ROBO2: variants seen among roughly 807,000 people sequenced by gnomAD.
The protein encoded by ROBO2 is roundabout guidance receptor 2.
A neutral mutation model predicts 160.8 loss-of-function variants in ROBO2; 53 were observed. That is an observed-to-expected ratio of 0.33 (90% CI 0.26 to 0.41). The LOEUF (loss-of-function observed/expected upper bound fraction) is 0.41, where lower values mean the gene tolerates loss of function less well. Among genes scored for constraint, ROBO2 ranks in the 10% least tolerant of loss-of-function variants. The pLI, the probability that ROBO2 is intolerant of heterozygous loss-of-function variation, is 1.00. For synonymous variants in ROBO2, 664 were observed against 611.7 expected (o/e 1.09, Z -1.26); for missense variants, 1,577 against 1,722.4 (o/e 0.92, Z 1.49).
chr3:76,360,229 T>C (rs1047725317), intron 2 of ROBO2, among the ~76,000 whole-genome samples: 1 of 152,006 alleles, frequency 6.6e-6, no homozygotes, highest in African/African-American at 2.4e-5. Context: ...TTAGATCTCT[T>C]TTCGGTTTTC....
intron 2 of ROBO2, among the ~76,000 whole-genome samples, chr3:76,137,912 G>A (rs1348744384): frequency 6.6e-6 from 1 of 151,846 alleles, no homozygotes; most frequent in East Asian, 1.9e-4. Context: ...ACCTATTTGG[G>A]AAATCCAGGA....
At chr3:76,388,797 C>T (rs1402196586) in intron 2 of ROBO2, among the ~76,000 whole-genome samples, 1 of 151,960 alleles carries the variant, frequency 6.6e-6, no homozygotes, top group Non-Finnish European at 1.5e-5. Flanking sequence ...TCCATCTATC[C>T]ATTTATCTAT....
At chr3:77,122,886 G>A (rs960956122) in intron 2 of ROBO2, among the ~76,000 whole-genome samples, 2 of 152,118 alleles carry the variant, frequency 1.3e-5, no homozygotes, top group African/African-American at 2.4e-5. Context: ...AATGGTGTTT[G>A]AGTCAACGTG....
exon 26 of ROBO2, chr3:77,648,117 A>G (rs2095424992): frequency 6.6e-6 from 1 of 152,214 alleles, no homozygotes; most frequent in Non-Finnish European, 1.5e-5. Flanking sequence ...TGGGACAAAG[A>G]GACTGAGGAA....
chr3:76,824,055 G>T (rs987049583), intron 2 of ROBO2, among the ~76,000 whole-genome samples: 2 of 152,128 alleles, frequency 1.3e-5, no homozygotes, highest in Admixed American at 6.6e-5. Context: ...CTTTCATGTT[G>T]TGCCACCACC....
intron 1 of ROBO2, among the ~76,000 whole-genome samples, chr3:77,072,128 T>C (rs1003526590): frequency 6.6e-6 from 1 of 152,044 alleles, no homozygotes; most frequent in Non-Finnish European, 1.5e-5. Context: ...GAGAACCCTG[T>C]TTGTGAACTG....
intron 2 of ROBO2, among the ~76,000 whole-genome samples, chr3:76,270,805 T>G (rs1403379548): frequency 6.6e-6 from 1 of 152,074 alleles, no homozygotes; most frequent in East Asian, 1.9e-4. Context: ...GAATACTAAA[T>G]GTAGAGTATA....
At chr3:77,245,002 A>G (rs2089555908) in intron 2 of ROBO2, among the ~76,000 whole-genome samples, 1 of 151,406 alleles carries the variant, frequency 6.6e-6, no homozygotes. Flanking sequence ...TTTTATTCAG[A>G]TTTTGCTCAC....
At chr3:77,162,746 C>A (rs2078607404) in intron 2 of ROBO2, among the ~76,000 whole-genome samples, 2 of 152,176 alleles carry the variant, frequency 1.3e-5, no homozygotes, top group Admixed American at 6.5e-5. Flanking sequence ...AGCATTGAGG[C>A]CTGCGTTAGG....
intron 2 of ROBO2, among the ~76,000 whole-genome samples, chr3:77,002,658 A>G (rs1360793968): frequency 6.6e-6 from 1 of 152,104 alleles, no homozygotes; most frequent in Admixed American, 6.6e-5. Flanking sequence ...TTGTCTAAAC[A>G]CTGGCAAATA....
intron 7 of ROBO2, among the ~76,000 whole-genome samples, chr3:77,548,944 A>G (rs965426309): frequency 2.6e-5 from 4 of 152,026 alleles, no homozygotes; most frequent in Non-Finnish European, 5.9e-5. Flanking sequence ...TATTTCCAGT[A>G]TCCAGTTTTT....
intron 1 of ROBO2, among the ~76,000 whole-genome samples, chr3:75,917,437 T>C (rs1946857987): frequency 6.6e-6 from 1 of 152,212 alleles, no homozygotes; most frequent in Non-Finnish European, 1.5e-5. Context: ...CGGTCTATCA[T>C]TGATGGGCAT....
At chr3:76,886,355 A>G (rs986512663) in intron 2 of ROBO2, among the ~76,000 whole-genome samples, 6 of 151,936 alleles carry the variant, frequency 3.9e-5, no homozygotes, top group Non-Finnish European at 8.8e-5. Flanking sequence ...GTTTCTATGG[A>G]GATTTAAGGA....
At position 76,147,473 on chromosome 3, in the gene ROBO2, C is replaced by A. The variant is rs148282192; in HGVS notation, c.109+209871C>A. Among the ~76,000 whole-genome samples, 72 of 151,806 alleles carry A rather than the reference C, an allele frequency of 4.7e-4. No homozygotes were observed. In the East Asian group the frequency reaches 7.8e-3, roughly 16 times the overall value. On this transcript the variant is annotated intron_variant, in intron 2 of 26. Transcript: ENST00000487694. ...CTTTATTTATAAAGTGTAACTATGT[C>A]TTTATTTATCTTCATATAATTAGCA... is the stretch of plus-strand genomic sequence containing the variant.
chr3:75,933,196 A>G (rs994530440), intron 1 of ROBO2, among the ~76,000 whole-genome samples: 1 of 152,206 alleles, frequency 6.6e-6, no homozygotes, highest in Non-Finnish European at 1.5e-5. Context: ...TTCCATTGAA[A>G]AAAATCAATG....
At chr3:76,934,958 A>ATTTTTTTTTT (rs151316771) in intron 2 of ROBO2, among the ~76,000 whole-genome samples, 3,210 of 146,582 alleles carry the variant, frequency 0.022, 91 homozygotes, top group Non-Finnish European at 0.032. Context: ...AGGCTTCACA[A>ATTTTTTTTTT]ATTTTTTTTT....
intron 2 of ROBO2, among the ~76,000 whole-genome samples, chr3:76,339,240 A>T (rs920492197): frequency 7.2e-5 from 11 of 152,168 alleles, no homozygotes; most frequent in African/African-American, 2.7e-4. Flanking sequence ...GTAAACACTG[A>T]TGCACCTGAT....
At chr3:76,128,957 C>T (rs1378689951) in intron 2 of ROBO2, among the ~76,000 whole-genome samples, 2 of 151,402 alleles carry the variant, frequency 1.3e-5, no homozygotes, top group African/African-American at 4.9e-5. Flanking sequence ...TGTAGCTACT[C>T]GTCTTCTGGA....
chr3:76,876,944 A>T (rs927295055), intron 2 of ROBO2, among the ~76,000 whole-genome samples: 1 of 152,188 alleles, frequency 6.6e-6, no homozygotes, highest in African/African-American at 2.4e-5. Flanking sequence ...AATGATGATG[A>T]ATTCCTAGAG....
Sources: allele counts gnomAD v4.1 joint callset (sites outside exome capture counted in the v4.1 genomes callset), GRCh38; gene constraint gnomAD v4.1.1; transcripts MANE v1.5; gene names NCBI Gene and HGNC (gene_info 2026-07-23, HGNC 2026-07-21).